The following VAV3 variants were observed in gnomAD, a reference collection of about 807,000 sequenced individuals.
The protein encoded by VAV3 is vav guanine nucleotide exchange factor 3, also known as guanine nucleotide exchange factor VAV3.
Under a neutral mutation model 131.2 loss-of-function variants are expected in VAV3, and 94 were observed. That is an observed-to-expected ratio of 0.72 (90% confidence interval 0.61 to 0.85). The LOEUF (loss-of-function observed/expected upper bound fraction) is 0.85, where lower values mean the gene tolerates loss of function less well. Among genes scored for constraint, VAV3 ranks in the 40% least tolerant of loss-of-function variants. The pLI, the probability that VAV3 is intolerant of heterozygous loss-of-function variation, is 0.00. For missense variants in VAV3, 939 were observed against 1,002.7 expected, an observed-to-expected ratio of 0.94 and a Z score of 0.86; for synonymous variants, 349 against 342.0, an observed-to-expected ratio of 1.02 and a Z score of -0.22.
rs117167322 is a variant in VAV3 at position 107,704,267 on chromosome 1, G to A, written c.1705+283C>T. Among the ~76,000 whole-genome samples the A allele has an allele frequency of 5.9e-5, 9 of 152,096 alleles. No homozygotes were observed. The East Asian group carries it at 1.7e-3, about 29-fold the overall frequency. ...GTATGGTTTTAGTCATTTATTTAGG[G>A]CTTTTAAAGAAATGAGTGACATGAA... On this transcript the variant is annotated intron_variant, in intron 17 of 26. Coordinates refer to ENST00000370056, the MANE Select transcript of VAV3 (RefSeq NM_006113.5).
At chr1:107,839,287 T>C (rs1557875488) in intron 2 of VAV3, among the ~76,000 whole-genome samples, 1 of 152,150 alleles carries the variant, frequency 6.6e-6, no homozygotes, top group Non-Finnish European at 1.5e-5. Context: ...TAAAAATAAT[T>C]ACTGAATAAA....
chr1:107,906,831 T>C (rs1278762292), intron 1 of VAV3, among the ~76,000 whole-genome samples: 1 of 151,974 alleles, frequency 6.6e-6, no homozygotes, highest in Non-Finnish European at 1.5e-5. Flanking sequence ...GAAGGAAGTG[T>C]AAAATGAAAG....
intron 20 of VAV3, among the ~76,000 whole-genome samples, chr1:107,626,635 G>A (rs1157889110): frequency 6.6e-6 from 1 of 152,190 alleles, no homozygotes; most frequent in Non-Finnish European, 1.5e-5. Context: ...AAGATGAACA[G>A]CGGGACACTG....
chr1:107,831,780 T>C (rs530842508), intron 2 of VAV3, among the ~76,000 whole-genome samples: 1 of 152,362 alleles, frequency 6.6e-6, no homozygotes, highest in South Asian at 2.1e-4. Context: ...AGACTCAATA[T>C]ACACTTAATA....
At chr1:107,615,274 T>G (rs557429109) in intron 21 of VAV3, among the ~76,000 whole-genome samples, 2 of 152,158 alleles carry the variant, frequency 1.3e-5, no homozygotes, top group Admixed American at 6.5e-5. Context: ...TGCAGCAACA[T>G]GGATGGAGCT....
chr1:107,899,312 C>T (rs976425652), intron 1 of VAV3, among the ~76,000 whole-genome samples: 42 of 152,180 alleles, frequency 2.8e-4, no homozygotes, highest in African/African-American at 9.2e-4. Context: ...GAGCCAACAG[C>T]GGTAAGCGGC....
At chr1:107,758,680 T>C (rs977902612) in intron 10 of VAV3, among the ~76,000 whole-genome samples, 1 of 152,178 alleles carries the variant, frequency 6.6e-6, no homozygotes, top group African/African-American at 2.4e-5. Context: ...GTTTCTATAA[T>C]ATAAATCAGA....
intron 19 of VAV3, among the ~76,000 whole-genome samples, chr1:107,649,599 C>A (rs1656007757): frequency 6.6e-6 from 1 of 151,888 alleles, no homozygotes; most frequent in Admixed American, 6.6e-5. Flanking sequence ...CCATAAACAC[C>A]CAGCTCCCAG....
At chr1:107,582,002 T>C (rs1650087348) in intron 25 of VAV3, among the ~76,000 whole-genome samples, 1 of 152,228 alleles carries the variant, frequency 6.6e-6, no homozygotes, top group East Asian at 1.9e-4. Context: ...CAGTTTTTAG[T>C]TGTAACAAGC....
intron 2 of VAV3, among the ~76,000 whole-genome samples, chr1:107,780,346 T>C (rs186806849): frequency 6.6e-6 from 1 of 152,318 alleles, no homozygotes; most frequent in East Asian, 1.9e-4. Flanking sequence ...TTAACCTTAA[T>C]TATGTTTCAA....
intron 21 of VAV3, among the ~76,000 whole-genome samples, chr1:107,615,213 T>G (rs964591336): frequency 2.0e-5 from 3 of 152,022 alleles, no homozygotes; most frequent in Non-Finnish European, 4.4e-5. Flanking sequence ...AAACAGGCAA[T>G]GGGGATAAGA....
intron 15 of VAV3, among the ~76,000 whole-genome samples, chr1:107,717,705 A>G (rs1407818567): frequency 2.0e-5 from 3 of 152,024 alleles, no homozygotes; most frequent in East Asian, 3.9e-4. Flanking sequence ...TGAGAAGAAG[A>G]TATATTCTGT....
chr1:107,739,691 C>A (rs1557810003), intron 15 of VAV3, among the ~76,000 whole-genome samples: 1 of 152,188 alleles, frequency 6.6e-6, no homozygotes, highest in Non-Finnish European at 1.5e-5. Context: ...AATATACAGA[C>A]AGTTTATAGA....
In VAV3 at chr1:107,964,937, CGCG is replaced by C. The variant is rs1340765639; in HGVS notation, c.-71_-69del. Reference sequence around the variant, plus strand: ...AGGATGCGGCCGCCGCCGCCGCCGCCGCGGTTCCTCCGCGCCCCGCCGACGCCA... The same window carrying C: ...AGGATGCGGCCGCCGCCGCCGCCGCCGTTCCTCCGCGCCCCGCCGACGCCA... On this transcript the variant is annotated 5_prime_UTR_variant, in exon 1 of 27. Transcript: ENST00000370056. 29 of 779,968 alleles carry C rather than the reference CGCG, an allele frequency of 3.7e-5. No individual in the cohort carries two copies. The highest frequency in any genetic ancestry group is 9.3e-4 in the Middle Eastern group (2 of 2,148). The allele number at this position is 779,968 out of a possible 1,614,324, so 48.3% of individuals were successfully genotyped here. A position where few individuals can be genotyped will look rare whatever the true frequency, so the allele number is the denominator to read the frequency against.
chr1:107,589,416 C>T (rs1171344337), intron 25 of VAV3, among the ~76,000 whole-genome samples: 4 of 152,160 alleles, frequency 2.6e-5, no homozygotes, highest in African/African-American at 4.8e-5. Context: ...TGGAGCGGTG[C>T]ATCTATAAAC....
chr1:107,572,792 G>C lies in VAV3; in HGVS notation c.*539C>G, dbSNP rs1337288201. 6.5e-6 allele frequency: 1 copy of C among 152,926 alleles called. No individual in the cohort carries two copies. Among genetic ancestry groups the C allele is most frequent in the Non-Finnish European group, 1.5e-5 (1 of 68,314 alleles). 9.5% of individuals were successfully genotyped at this position (152,926 alleles called of 1,614,324 possible). On this transcript the variant is annotated 3_prime_UTR_variant, in exon 27 of 27. Transcript: ENST00000370056. ...GTAACATCTGAGGGTAAAAGTGTTT[G>C]CCGGGCAATGAGTCACCTTGTTGGA...
intron 15 of VAV3, among the ~76,000 whole-genome samples, chr1:107,720,971 G>C (rs1301262993): frequency 1.3e-5 from 2 of 152,206 alleles, no homozygotes; most frequent in Non-Finnish European, 2.9e-5. Flanking sequence ...ACCCAGGGCA[G>C]AGCTGATACA....
intron 22 of VAV3, chr1:107,609,337 G>A (rs1466620780): frequency 6.6e-6 from 1 of 152,004 alleles, no homozygotes; most frequent in Non-Finnish European, 1.5e-5. Context: ...TGGTAAGGGT[G>A]CCCCATCCTT....
At chr1:107,696,652 G>A (rs1659766914) in intron 17 of VAV3, among the ~76,000 whole-genome samples, 1 of 152,108 alleles carries the variant, frequency 6.6e-6, no homozygotes, top group Admixed American at 6.5e-5. Context: ...AACCACCTAT[G>A]ATTTAATATT....
Sources: allele counts gnomAD v4.1 joint callset (sites outside exome capture counted in the v4.1 genomes callset), GRCh38; gene constraint gnomAD v4.1.1; transcripts MANE v1.5; gene names NCBI Gene and HGNC (gene_info 2026-07-23, HGNC 2026-07-21).